Variants in ZBTB20 observed in about 807,000 individuals in gnomAD.
The protein encoded by ZBTB20 is zinc finger and BTB domain containing 20.
A neutral mutation model predicts 56.9 loss-of-function variants in ZBTB20; 9 were observed. The observed-to-expected ratio is 0.16, with a 90% CI of 0.10 to 0.28. The LOEUF is 0.28. ZBTB20 is among the 10% of genes least tolerant of loss of function. ZBTB20 has a pLI of 1.00. For synonymous variants in ZBTB20, 417 were observed against 420.7 expected (o/e 0.99, Z 0.11); for missense variants, 655 against 1,003.0 (o/e 0.65, Z 4.69).
chr3:114,765,885 A>G (rs1373874793), intron 5 of ZBTB20, among the ~76,000 whole-genome samples: 1 of 152,190 alleles, frequency 6.6e-6, no homozygotes, highest in Non-Finnish European at 1.5e-5. Context: ...TGCCATCTTT[A>G]CTAAAAAGAC....
In ZBTB20 at chr3:114,350,505, G is replaced by A. The variant is rs2080574100; in HGVS notation, c.1573C>T (p.Leu525Phe). 6.2e-7 allele frequency: 1 copy of A among 1,614,030 alleles called. No homozygotes were observed. Among genetic ancestry groups the A allele is most frequent in the Non-Finnish European group, 8.5e-7 (1 of 1,180,028 alleles). The change falls in exon 11 of 12, where the codon CTC (leucine) becomes TTC (phenylalanine). Residue 525 changes from leucine (L) to phenylalanine (F), a missense_variant. Around this residue, in one of 10 missense-constraint regions of ZBTB20, gnomAD observed 71 missense variants for 89.4 expected, o/e 0.79. Transcript: ENST00000675478. ...QPAGSGPKPF[L>F]FSLPQPLAGQ... ...GCCAGGGGCTGTGGCAGGCTGAAGA[G>A]GAAAGGCTTGGGGCCACTGCCCGCG...
At chr3:114,689,403 T>G (rs2062560433) in intron 6 of ZBTB20, among the ~76,000 whole-genome samples, 1 of 152,124 alleles carries the variant, frequency 6.6e-6, no homozygotes, top group South Asian at 2.1e-4. Flanking sequence ...CCCTGCCTCA[T>G]GTAAGCAGAA....
At chr3:114,576,324 C>T (rs1359595623) in intron 6 of ZBTB20, among the ~76,000 whole-genome samples, 1 of 150,984 alleles carries the variant, frequency 6.6e-6, no homozygotes, top group Non-Finnish European at 1.5e-5. Flanking sequence ...ACAGTGAAAC[C>T]CCGTCTCTAC....
chr3:114,438,436 C>CAA (rs10689914), intron 7 of ZBTB20, among the ~76,000 whole-genome samples: 33,849 of 140,524 alleles, frequency 0.24, 4,378 homozygotes, highest in Admixed American at 0.34. Context: ...CAAAAAAAAC[C>CAA]AAAAAAAAAC....
intron 6 of ZBTB20, among the ~76,000 whole-genome samples, chr3:114,649,817 G>A (rs1243200072): frequency 1.3e-5 from 2 of 151,836 alleles, no homozygotes; most frequent in Non-Finnish European, 2.9e-5. Flanking sequence ...AGCTAAATGA[G>A]ATAACATTAA....
chr3:114,579,765 A>C (rs2054457235), intron 6 of ZBTB20, among the ~76,000 whole-genome samples: 1 of 151,580 alleles, frequency 6.6e-6, no homozygotes, highest in Non-Finnish European at 1.5e-5. Flanking sequence ...AAAAATCATA[A>C]GAATATATAA....
chr3:114,958,837 T>G (rs1405960731), intron 3 of ZBTB20, among the ~76,000 whole-genome samples: 1 of 146,296 alleles, frequency 6.8e-6, no homozygotes, highest in Admixed American at 6.9e-5. Flanking sequence ...GCCAATAGAG[T>G]GAGAGTCTGT....
intron 4 of ZBTB20, among the ~76,000 whole-genome samples, chr3:114,827,769 T>C (rs1397456619): frequency 6.6e-6 from 1 of 151,706 alleles, no homozygotes. Context: ...AACCAAGTAT[T>C]GCTTAGATAA....
At chr3:115,061,783 G>A (rs1261868457) in intron 2 of ZBTB20, among the ~76,000 whole-genome samples, 2 of 151,742 alleles carry the variant, frequency 1.3e-5, no homozygotes, top group African/African-American at 4.8e-5. Flanking sequence ...ATTTAATATG[G>A]GTATCCTTAA....
chr3:114,954,357 A>C (rs1486254403), intron 3 of ZBTB20, among the ~76,000 whole-genome samples: 1 of 152,196 alleles, frequency 6.6e-6, no homozygotes, highest in Non-Finnish European at 1.5e-5. Context: ...TAAAATCAGT[A>C]AGGTGGTAGG....
At chr3:114,647,228 G>T (rs1016970345) in intron 6 of ZBTB20, among the ~76,000 whole-genome samples, 1 of 152,152 alleles carries the variant, frequency 6.6e-6, no homozygotes, top group Admixed American at 6.5e-5. Context: ...AAAATGCTGG[G>T]ATTACAGGCG....
chr3:114,394,598 C>G (rs1031730360), intron 7 of ZBTB20, among the ~76,000 whole-genome samples: 2 of 152,166 alleles, frequency 1.3e-5, no homozygotes, highest in African/African-American at 4.8e-5. Context: ...ACGAATCACC[C>G]AGGGCTTCTG....
At chr3:115,051,148 A>G (rs575803597) in intron 2 of ZBTB20, among the ~76,000 whole-genome samples, 12 of 152,242 alleles carry the variant, frequency 7.9e-5, no homozygotes, top group African/African-American at 2.9e-4. Flanking sequence ...TCATTCAGAC[A>G]TTTAGGTAAT....
intron 4 of ZBTB20, among the ~76,000 whole-genome samples, chr3:114,896,171 A>G (rs2074869448): frequency 6.6e-6 from 1 of 152,164 alleles, no homozygotes; most frequent in Admixed American, 6.6e-5. Flanking sequence ...GCTTTATTCA[A>G]TTTAAATGAA....
Position 114,938,586 on chromosome 3 carries a change from A to G in ZBTB20, c.-456+35780T>C, listed in dbSNP as rs2076626112. Among the ~76,000 whole-genome samples the G allele has an allele frequency of 2.1e-5, 3 of 145,742 alleles. 1 individual carries two copies. In the South Asian group the frequency reaches 6.4e-4, roughly 31 times the overall value. On this transcript the variant is annotated intron_variant, in intron 3 of 11. Transcript: ENST00000675478. ...CTAACACAGGAACAGAAAACCAAAC[A>G]CCGCATGTTCGCACTCATAAGTGGG...
chr3:114,391,068 C>T (rs941026157), intron 7 of ZBTB20, among the ~76,000 whole-genome samples: 1 of 152,002 alleles, frequency 6.6e-6, no homozygotes, highest in Non-Finnish European at 1.5e-5. Flanking sequence ...TGAATCAATA[C>T]CTGTTTTCTA....
At chr3:114,478,288 T>G (rs762810544) in intron 7 of ZBTB20, among the ~76,000 whole-genome samples, 6 of 152,220 alleles carry the variant, frequency 3.9e-5, no homozygotes, top group Non-Finnish European at 7.3e-5. Flanking sequence ...TTTCTAATCT[T>G]TATTCCTCAG....
At chr3:114,756,189 T>C (rs2067997352) in intron 5 of ZBTB20, among the ~76,000 whole-genome samples, 1 of 152,186 alleles carries the variant, frequency 6.6e-6, no homozygotes, top group Non-Finnish European at 1.5e-5. Context: ...TATGTATGTA[T>C]GTGTATTTGG....
chr3:114,777,629 A>G (rs2069704237), intron 5 of ZBTB20, among the ~76,000 whole-genome samples: 1 of 152,160 alleles, frequency 6.6e-6, no homozygotes, highest in African/African-American at 2.4e-5. Context: ...AAATAGGAAC[A>G]CTTTTACACT....
Sources: allele counts gnomAD v4.1 joint callset (sites outside exome capture counted in the v4.1 genomes callset), GRCh38; gene constraint gnomAD v4.1.1; regional missense constraint gnomAD v4.1.1; transcripts MANE v1.5; gene names NCBI Gene and HGNC (gene_info 2026-07-23, HGNC 2026-07-21).